ZNF565: variants seen among roughly 807,000 people sequenced by gnomAD.
ZNF565 encodes the protein zinc finger protein 565.
Under a neutral mutation model 39.4 loss-of-function variants are expected in ZNF565, and 27 were observed. The observed-to-expected ratio is 0.69, with a 90% confidence interval of 0.51 to 0.95. The LOEUF is 0.95. Ranked by LOEUF, ZNF565 falls within the 40% of genes least tolerant of loss-of-function variation. The pLI is 0.00. For missense variants in ZNF565, 524 were observed against 621.1 expected (o/e 0.84, Z 1.66); for synonymous variants, 185 against 216.6 (o/e 0.85, Z 1.28).
At chr19:36,198,444 T>C (rs1225267811) in intron 2 of ZNF565, among the ~76,000 whole-genome samples, 3 of 152,040 alleles carry the variant, frequency 2.0e-5, no homozygotes, top group Non-Finnish European at 2.9e-5. Context: ...ATTCAACTCA[T>C]GGTCATAGAG....
At chr19:36,204,111 G>A (rs977499588) in intron 1 of ZNF565, among the ~76,000 whole-genome samples, 3 of 151,522 alleles carry the variant, frequency 2.0e-5, no homozygotes, top group African/African-American at 7.3e-5. Context: ...CACCACGCCT[G>A]GCTAATTTTT....
chr19:36,226,626 A>G (rs999406545), intron 1 of ZNF565, among the ~76,000 whole-genome samples: 5 of 152,094 alleles, frequency 3.3e-5, no homozygotes, highest in Non-Finnish European at 4.4e-5. Context: ...TCCTTTATCT[A>G]TAAATACTTC....
intron 1 of ZNF565, chr19:36,235,937 T>G (rs1162755345): frequency 6.5e-6 from 1 of 153,058 alleles, no homozygotes; most frequent in Admixed American, 6.5e-5. Flanking sequence ...CACAGCTTAC[T>G]CCTTATGGTA....
chr19:36,241,484 T>TAA (rs34534450), intron 1 of ZNF565, among the ~76,000 whole-genome samples: 13 of 109,444 alleles, frequency 1.2e-4, no homozygotes, highest in South Asian at 6.1e-4. Flanking sequence ...GACTCTGTAT[T>TAA]AAAAAAAAAA....
intron 1 of ZNF565, chr19:36,236,319 A>C (rs1405258242): frequency 1.7e-6 from 2 of 1,191,758 alleles, no homozygotes; most frequent in African/African-American, 3.1e-5. Flanking sequence ...GGGAGATCAT[A>C]CACAGAGAAG....
At chr19:36,188,681 C>T (rs1975408026) in intron 4 of ZNF565, among the ~76,000 whole-genome samples, 1 of 147,474 alleles carries the variant, frequency 6.8e-6, no homozygotes, top group Non-Finnish European at 1.5e-5. Flanking sequence ...CACTACATTC[C>T]AGCCTGGGCA....
At chr19:36,211,145 A>C (rs1976339867) in intron 1 of ZNF565, among the ~76,000 whole-genome samples, 1 of 152,196 alleles carries the variant, frequency 6.6e-6, no homozygotes, top group African/African-American at 2.4e-5. Context: ...TCTAACAGTA[A>C]GATTCTAATT....
intron 1 of ZNF565, chr19:36,228,610 T>C (rs1394936919): frequency 6.6e-6 from 1 of 152,254 alleles, no homozygotes; most frequent in Admixed American, 6.5e-5. Flanking sequence ...CAGAAGGTCA[T>C]TACTTTGTTC....
At chr19:36,193,077 G>A (rs1357775269) in intron 4 of ZNF565, among the ~76,000 whole-genome samples, 1 of 151,778 alleles carries the variant, frequency 6.6e-6, no homozygotes, top group East Asian at 1.9e-4. Flanking sequence ...CTCACTGCAA[G>A]CTCTGCCTCC....
intron 1 of ZNF565, among the ~76,000 whole-genome samples, chr19:36,202,935 C>T (rs185817631): frequency 1.3e-5 from 2 of 152,228 alleles, no homozygotes; most frequent in East Asian, 1.9e-4. Flanking sequence ...CTTGCATACC[C>T]GCACATCCAG....
At chr19:36,211,686 G>A (rs1452360001) in intron 1 of ZNF565, among the ~76,000 whole-genome samples, 7 of 151,924 alleles carry the variant, frequency 4.6e-5, no homozygotes. Flanking sequence ...CCAACTACTC[G>A]GGAGGCTGAG....
chr19:36,242,395 C>T (rs1600009643), intron 1 of ZNF565, among the ~76,000 whole-genome samples: 3 of 150,324 alleles, frequency 2.0e-5, no homozygotes, highest in Non-Finnish European at 3.0e-5. Flanking sequence ...GGTGGCAGAG[C>T]GAGACTCCAT....
chr19:36,243,899 A>C (rs1408779285), intron 1 of ZNF565, among the ~76,000 whole-genome samples: 1 of 151,890 alleles, frequency 6.6e-6, no homozygotes, highest in African/African-American at 2.4e-5. Flanking sequence ...CAGGGGTCTC[A>C]CTCTGTTGCC....
chr19:36,182,608 CCA>C lies in ZNF565; in HGVS notation c.1356_1357del (p.Cys452TrpfsTer7). Reference sequence around the variant, plus strand: ...TTGTGAACTACGAATAAAGGCCATTCCACACTCCCTGCATTCATAGGGTTTCT... The same window carrying C: ...TTGTGAACTACGAATAAAGGCCATTCCACTCCCTGCATTCATAGGGTTTCT... On this transcript the variant is annotated frameshift_variant, in exon 5 of 5. Transcript: ENST00000304116. LOFTEE classifies it high-confidence loss of function. The C allele has an allele frequency of 6.2e-7, 1 of 1,614,152 alleles. No homozygotes were observed. The highest frequency in any genetic ancestry group is 8.5e-7 in the Non-Finnish European group (1 of 1,180,014).
At chr19:36,217,800 G>C (rs1200720387), upstream of ZNF565, among the ~76,000 whole-genome samples, 1 of 151,512 alleles carries the variant, frequency 6.6e-6, no homozygotes, top group Non-Finnish European at 1.5e-5. Flanking sequence ...CAAGATAATT[G>C]CTTGAACCCG....
At chr19:36,215,538 T>C (rs868017440), upstream of ZNF565, among the ~76,000 whole-genome samples, 1 of 152,142 alleles carries the variant, frequency 6.6e-6, no homozygotes, top group Non-Finnish European at 1.5e-5. Context: ...GCCATCTTCC[T>C]GGAGCGTCTT....
chr19:36,222,714 G>T (rs1456233835), intron 1 of ZNF565, among the ~76,000 whole-genome samples: 1 of 148,410 alleles, frequency 6.7e-6, no homozygotes, highest in Non-Finnish European at 1.5e-5. Context: ...TCTATGGGGT[G>T]TCTTCTCCTT....
upstream of ZNF565, among the ~76,000 whole-genome samples, chr19:36,217,059 T>C (rs1269716865): frequency 8.0e-6 from 1 of 124,860 alleles, no homozygotes; most frequent in East Asian, 2.3e-4. Flanking sequence ...CCCTGTCTTT[T>C]TTTTTTTTTT....
intron 1 of ZNF565, among the ~76,000 whole-genome samples, chr19:36,234,454 G>A (rs1036950675): frequency 6.6e-6 from 1 of 152,198 alleles, no homozygotes; most frequent in Admixed American, 6.5e-5. Context: ...CCCAGTCTAT[G>A]TTCACATTTT....
Sources: gnomAD v4.1 joint callset for allele counts (sites outside exome capture counted in the v4.1 genomes callset) on GRCh38, gnomAD v4.1.1 for gene constraint, MANE v1.5 for transcripts, NCBI Gene and HGNC (gene_info 2026-07-23, HGNC 2026-07-21) for gene names.